Variants in FAT2 observed in about 807,000 individuals in gnomAD.
The protein encoded by FAT2 is protocadherin Fat 2.
A neutral mutation model predicts 295.3 loss-of-function variants in FAT2; 150 were observed. The ratio of observed to expected loss-of-function variants is 0.51; its 90% confidence interval spans 0.44 to 0.58. FAT2 has a LOEUF of 0.58. FAT2 is among the 20% of genes least tolerant of loss of function. FAT2 has a pLI of 0.00. For missense variants in FAT2, 4,868 were observed against 5,442.7 expected, an observed-to-expected ratio of 0.89 and a Z score of 3.32; for synonymous variants, 2,026 against 2,150.3, an observed-to-expected ratio of 0.94 and a Z score of 1.60.
rs758783932 is a variant in FAT2, at chr5:151,544,785, T to C, written c.6342A>G (p.Thr2114=). 11 of 1,614,174 alleles carry C rather than the reference T, an allele frequency of 6.8e-6. No homozygotes were observed. The highest frequency in any genetic ancestry group is 4.5e-5 in the East Asian group (2 of 44,884). Residue 2114 remains threonine, a synonymous_variant, in exon 10 of 24, where the codon ACA becomes ACG. Transcript: ENST00000261800. ...CAAGATAGGGGTCAATTCGGAAATATGTGTAATCTTCTGCAAATTCATATG... is the reference window on the plus strand; with the variant it reads ...CAAGATAGGGGTCAATTCGGAAATACGTGTAATCTTCTGCAAATTCATATG... The part of the protein sequence containing the change: ...AVTYEFAEDY[T]YFRIDPYLGD...
In FAT2 at chr5:151,517,634, A is replaced by T; in HGVS notation, c.11449T>A (p.Ser3817Thr). The T allele has an allele frequency of 1.2e-6, 2 of 1,614,136 alleles. No individual in the cohort carries two copies. Among genetic ancestry groups the T allele is most frequent in the Non-Finnish European group, 1.7e-6 (2 of 1,180,028 alleles). ...CAGTGCCTTACCTTCAGGGAGACGG[A>T]CGCTGTTTCATTGGTGAATAGAAGA... The part of the protein sequence containing the change: ...AILLFTNETA[S>T]VSLKLASGVP... The change falls in exon 20 of 24, where the codon TCC becomes ACC. Residue 3817 changes from serine (S) to threonine (T), a missense_variant. By Grantham distance (58) the Ser-to-Thr change is moderately conservative. Around this residue, in one of 5 missense-constraint regions of FAT2, gnomAD observed 1,046 missense variants for 1,210.1 expected, o/e 0.86. Coordinates refer to ENST00000261800, the MANE Select transcript of FAT2 (RefSeq NM_001447.3).
chr5:151,556,246 C>G, intron 4 of FAT2, 98 bp downstream of exon 4: 2 of 1,019,736 alleles, frequency 2.0e-6, no homozygotes, highest in Non-Finnish European at 3.1e-6. Context: ...CTCCCTGAAC[C>G]CAGACCCTCC....
At chr5:151,536,609 C>A (rs1755320552) in intron 12 of FAT2, among the ~76,000 whole-genome samples, 1 of 152,236 alleles carries the variant, frequency 6.6e-6, no homozygotes, top group African/African-American at 2.4e-5. Flanking sequence ...CCTGGCTACT[C>A]CTGGCCTACC....
At position 151,531,098 on chromosome 5, in the gene FAT2, C is replaced by T. The variant is rs183717935; in HGVS notation, c.9811+489G>A. ...TGTGGCTAGTAGGAAAGAAGTGAGACGGTTTCCTAGTTCTCTCTCTCTTCA... is the reference window on the plus strand; with the variant it reads ...TGTGGCTAGTAGGAAAGAAGTGAGATGGTTTCCTAGTTCTCTCTCTCTTCA... On this transcript the variant is annotated intron_variant, in intron 14 of 23. Coordinates refer to ENST00000261800, the MANE Select transcript of FAT2 (RefSeq NM_001447.3). The surrounding 1 kb of genome is among the most constrained non-coding windows in gnomAD (Gnocchi z 5.7). 1.8e-3 allele frequency among the ~76,000 whole-genome samples: 270 copies of T among 152,178 alleles called. 1 individual carries two copies. Among genetic ancestry groups the T allele is most frequent in the African/African-American group, 6.1e-3 (255 of 41,508 alleles).
Position 151,550,788 on chromosome 5 carries a change from G to A in FAT2, c.4380C>T (p.Asp1460=), listed in dbSNP as rs1561860981. The A allele has an allele frequency of 6.2e-7, 1 of 1,614,014 alleles. No individual in the cohort carries two copies. ...ETRYEVRVPQ[D]TVPGVELLRV... ...GCAGGAGCTCTACCCCTGGCACGGT[G>A]TCCTGGGGAACTCTGACTTCATAAC... Residue 1460 remains aspartate, a synonymous_variant, in exon 8 of 24, where the codon GAC becomes GAT. Coordinates refer to ENST00000261800, the MANE Select transcript of FAT2 (RefSeq NM_001447.3).
At position 151,507,342 on chromosome 5, in the gene FAT2, G is replaced by A; in HGVS notation, c.12329C>T (p.Ser4110Phe). ...AIELNPLSAS[S>F]CNNLNQPEPS... ...TTCCGGTTGGTTGAGGTTGTTGCAGGAGCTGGCACTCAATGGGTTGAGCTC... is the reference window on the plus strand; with the variant it reads ...TTCCGGTTGGTTGAGGTTGTTGCAGAAGCTGGCACTCAATGGGTTGAGCTC... Residue 4110 changes from serine to phenylalanine, a missense_variant, in exon 23 of 24, where the codon TCC becomes TTC. Transcript: ENST00000261800. 1.2e-6 allele frequency: 2 copies of A among 1,614,184 alleles called. No homozygotes were observed. Among genetic ancestry groups the A allele is most frequent in the East Asian group, 4.5e-5 (2 of 44,882 alleles).
chr5:151,593,358 C>T (rs142011370), upstream of FAT2, among the ~76,000 whole-genome samples: 848 of 152,276 alleles, frequency 5.6e-3, 6 homozygotes, highest in African/African-American at 0.02. Context: ...TGTCTGCAGC[C>T]TATTGCAGGA....
At chr5:151,519,351 AAAACAAAAATCC>A (rs1300493725) in intron 19 of FAT2, among the ~76,000 whole-genome samples, 1 of 152,248 alleles carries the variant, frequency 6.6e-6, no homozygotes, top group East Asian at 1.9e-4. Flanking sequence ...CTCAAAAACA[AAAACAAAAATCC>A]AAACAAGTCC....
At chr5:151,551,185 A>G (rs1581418035) in intron 7 of FAT2, among the ~76,000 whole-genome samples, 1 of 152,106 alleles carries the variant, frequency 6.6e-6, no homozygotes, top group African/African-American at 2.4e-5. Context: ...AGCCCCACTT[A>G]CCCAACCATC....
Position 151,521,817 on chromosome 5 carries a change from GC to G in FAT2, c.10775del (p.Gly3592AlafsTer53). ...APDGKIIAAQ[G>X]LPRGHYSFNV... is the part of the protein sequence containing the mutation. ...TGAACGAGTAGTGGCCACGAGGCAGGCCCTGGGCGGCGATAATCTTGCCATC... is the reference window on the plus strand; with the variant it reads ...TGAACGAGTAGTGGCCACGAGGCAGGCCTGGGCGGCGATAATCTTGCCATC... On this transcript the variant is annotated frameshift_variant, in exon 19 of 24. Transcript: ENST00000261800. LOFTEE classifies it high-confidence loss of function. The G allele has an allele frequency of 1.2e-6, 2 of 1,614,138 alleles. No individual in the cohort carries two copies. The highest frequency in any genetic ancestry group is 1.7e-6 in the Non-Finnish European group (2 of 1,180,030).
chr5:151,526,579 CA>C, intron 17 of FAT2, among the ~76,000 whole-genome samples: 1 of 152,368 alleles, frequency 6.6e-6, no homozygotes, highest in East Asian at 1.9e-4. Flanking sequence ...GCCTATCCAA[CA>C]GACATTCTCT....
In FAT2 at chr5:151,574,629, A is replaced by G. The variant is rs1302920715; in HGVS notation, c.-20-5678T>C. ...CAGGGCTACATCATTGGGATGAGTA[A>G]TCTAACATTAGACCAAAAAAGGGAT... On this transcript the variant is annotated intron_variant, in intron 1 of 23. Coordinates refer to ENST00000261800, the MANE Select transcript of FAT2 (RefSeq NM_001447.3). Among the ~76,000 whole-genome samples the G allele has an allele frequency of 2.6e-5, 4 of 152,210 alleles. No individual in the cohort carries two copies. The East Asian group carries it at 7.7e-4, about 29-fold the overall frequency.
intron 19 of FAT2, among the ~76,000 whole-genome samples, chr5:151,519,170 C>T (rs1050499289): frequency 2.6e-5 from 4 of 152,084 alleles, no homozygotes; most frequent in African/African-American, 7.2e-5. Context: ...GTGGTGAAAC[C>T]CCGTCTCTAC....
rs1443547682 is a variant in FAT2 at position 151,512,759 on chromosome 5, C to T, written c.11464-153G>A. 5.8e-6 allele frequency: 4 copies of T among 688,580 alleles called. No individual in the cohort carries two copies. In the East Asian group the frequency reaches 1.1e-4, roughly 19 times the overall value. 42.7% of individuals were successfully genotyped at this position (688,580 alleles called of 1,614,324 possible). A position where few individuals can be genotyped will look rare whatever the true frequency, so the allele number is the denominator to read the frequency against. On this transcript the variant is annotated intron_variant, in intron 20 of 23. Transcript: ENST00000261800. The surrounding 1 kb of genome is among the most constrained non-coding windows in gnomAD (Gnocchi z 4.1). ...ACATGGCATTTGCAGAGCATAAAAA[C>T]CCTCAAAGTGCTTTTGTGTTGATGG...
At chr5:151,529,101 A>G in intron 15 of FAT2, 77 bp downstream of exon 15, 3 of 1,237,724 alleles carry the variant, frequency 2.4e-6, no homozygotes, top group Non-Finnish European at 3.6e-6. Flanking sequence ...ATGCTCATAG[A>G]TGGCTGGGTG....
rs1452355498 is a variant in FAT2, at chr5:151,517,615, C to T, written c.11463+5G>A. Reference sequence around the variant, plus strand: ...ATGAAATCTCTCAGGCTGGCAGTGCCTTACCTTCAGGGAGACGGACGCTGT... The same window carrying T: ...ATGAAATCTCTCAGGCTGGCAGTGCTTTACCTTCAGGGAGACGGACGCTGT... On this transcript the variant is annotated splice_donor_5th_base_variant and intron_variant, in intron 20 of 23. Coordinates refer to ENST00000261800, the MANE Select transcript of FAT2 (RefSeq NM_001447.3). 1 of 1,613,928 alleles carries T rather than the reference C, an allele frequency of 6.2e-7. No individual in the cohort carries two copies. Among genetic ancestry groups the T allele is most frequent in the African/African-American group, 1.3e-5 (1 of 75,054 alleles).
chr5:151,592,398 A>G (rs1402525399), upstream of FAT2, among the ~76,000 whole-genome samples: 3 of 152,116 alleles, frequency 2.0e-5, no homozygotes, highest in Non-Finnish European at 4.4e-5. Flanking sequence ...ACAAAACTGA[A>G]AGCAACTCTG....
In FAT2 at chr5:151,544,743, C is replaced by A. The variant is rs192970974; in HGVS notation, c.6384G>T (p.Lys2128Asn). The A allele has an allele frequency of 1.9e-6, 3 of 1,614,180 alleles. No individual in the cohort carries two copies. Among genetic ancestry groups the A allele is most frequent in the East Asian group, 4.5e-5 (2 of 44,884 alleles). ...IDPYLGDISLKKPFDYQALNK... is the reference protein window; with the variant it reads ...IDPYLGDISLNKPFDYQALNK... The stretch of plus-strand genomic sequence containing the variant: ...TTAAAGCTTGATAATCAAAGGGTTT[C>A]TTGAGTGATATGTCCCCAAGATAGG... The change falls in exon 10 of 24, where the codon AAG becomes AAT. Residue 2128 changes from lysine to asparagine, a missense_variant. Transcript: ENST00000261800.
rs982606496 is a variant in FAT2, at chr5:151,512,133, C to T, written c.11905+32G>A. 25 of 1,593,816 alleles carry T rather than the reference C, an allele frequency of 1.6e-5. No homozygotes were observed. The highest frequency in any genetic ancestry group is 2.0e-5 in the Non-Finnish European group (23 of 1,165,948). On this transcript the variant is annotated intron_variant, in intron 21 of 23. Transcript: ENST00000261800. The surrounding 1 kb of genome is among the most constrained non-coding windows in gnomAD (Gnocchi z 4.1). The stretch of plus-strand genomic sequence containing the variant: ...CACCTGAAGAGCCTTCTGGGATAAA[C>T]CCTGGGTTCAGCCTGGCACCCCAGC...
Sources: gnomAD v4.1 joint callset for allele counts (sites outside exome capture counted in the v4.1 genomes callset) on GRCh38, gnomAD v4.1.1 for gene constraint, gnomAD v4.1.1 regional missense constraint, Gnocchi (gnomAD v3.1) non-coding constraint, MANE v1.5 for transcripts, NCBI Gene and HGNC (gene_info 2026-07-23, HGNC 2026-07-21) for gene names.